Variants in TPT1 observed in about 807,000 individuals in gnomAD.
TPT1 encodes the protein translationally-controlled tumor protein.
A neutral mutation model predicts 22.8 loss-of-function variants in TPT1; 5 were observed. The ratio of observed to expected loss-of-function variants is 0.22; its 90% CI spans 0.11 to 0.46. The LOEUF (loss-of-function observed/expected upper bound fraction) is 0.46. Ranked by LOEUF, TPT1 falls within the 20% of genes least tolerant of loss-of-function variation. The pLI is 0.99. For missense variants in TPT1, 130 were observed against 218.7 expected (o/e 0.59, Z 2.56); for synonymous variants, 89 against 73.6 (o/e 1.21, Z -1.07).
At chr13:45,340,949 T>G in intron 1 of TPT1, 93 bp downstream of exon 1, 4 of 1,544,520 alleles carry the variant, frequency 2.6e-6, no homozygotes, top group Non-Finnish European at 3.5e-6. Flanking sequence ...ACCGCCGGCG[T>G]CCCCTAGGCC....
intron 5 of TPT1, chr13:45,337,603 G>C: frequency 6.3e-7 from 1 of 1,581,424 alleles, no homozygotes; most frequent in Non-Finnish European, 8.6e-7. Flanking sequence ...TCTATCAGTG[G>C]ATGCAGAACA....
intron 2 of TPT1, 186 bp from the exon 3 acceptor site, chr13:45,340,370 G>A (rs1879011096): frequency 1.1e-6 from 1 of 915,428 alleles, no homozygotes; most frequent in Non-Finnish European, 1.7e-6. Flanking sequence ...GTTGTCTGTT[G>A]GCCGGAACAA....
At chr13:45,338,345 C>G (rs2137548681) in intron 5 of TPT1, 1 of 356,472 alleles carries the variant, frequency 2.8e-6, no homozygotes, top group Non-Finnish European at 5.0e-6. Flanking sequence ...GTCTCGAACT[C>G]CCAACCTCAG....
In TPT1 at chr13:45,335,591, AT is replaced by A. The variant is rs1440956902; in HGVS notation, c.*1794del. 1 of 152,154 alleles carries A rather than the reference AT, an allele frequency of 6.6e-6. No homozygotes were observed. The highest frequency in any genetic ancestry group is 1.5e-5 in the Non-Finnish European group (1 of 68,048). 9.4% of individuals were successfully genotyped at this position (152,154 alleles called of 1,614,324 possible). A position where few individuals can be genotyped will look rare whatever the true frequency, so the allele number is the denominator to read the frequency against. ...TTTCAGAGGACAAAAGGCCCTGTAG[AT>A]GAGACTCACACTTTTCATTACAATG... On this transcript the variant is annotated 3_prime_UTR_variant, in exon 6 of 6. Coordinates refer to ENST00000530705, the MANE Select transcript of TPT1 (RefSeq NM_003295.4).
chr13:45,338,474 C>A (rs971595290), intron 5 of TPT1, 186 bp downstream of exon 5: 5 of 1,210,042 alleles, frequency 4.1e-6, no homozygotes, highest in South Asian at 3.5e-5. Flanking sequence ...AAATAAGATT[C>A]TAAGCCTTTT....
Position 45,337,620 on chromosome 13 carries a change from C to T in TPT1, c.517-232G>A. 1.9e-6 allele frequency: 3 copies of T among 1,542,580 alleles called. No homozygotes were observed. In the South Asian group the frequency reaches 3.4e-5, roughly 17 times the overall value. On this transcript the variant is annotated intron_variant, in intron 5 of 5. Coordinates refer to ENST00000530705, the MANE Select transcript of TPT1 (RefSeq NM_003295.4). ...TATCAGTGGATGCAGAACACCCTTA[C>T]CAAATCAGCGGTAGCTCATTTTTCA...
rs374460283 is a variant in TPT1, at chr13:45,340,804, C to T, written c.29-19G>A. On this transcript the variant is annotated intron_variant, in intron 1 of 5. Transcript: ENST00000530705. ...TCATCGTCTGCCGGATACACAGAGC[C>T]GCCCATCACCGTGCGCCTGGCGCCG... The T allele has an allele frequency of 2.6e-6, 4 of 1,509,726 alleles. No individual in the cohort carries two copies. Among genetic ancestry groups the T allele is most frequent in the Non-Finnish European group, 3.5e-6 (4 of 1,131,010 alleles). 93.5% of individuals were successfully genotyped at this position (1,509,726 alleles called of 1,614,324 possible). A position where few individuals can be genotyped will look rare whatever the true frequency, so the allele number is the denominator to read the frequency against.
Position 45,341,070 on chromosome 13 carries a change from G to C in TPT1, c.-1C>G. 6.2e-7 allele frequency: 1 copy of C among 1,613,336 alleles called. No homozygotes were observed. ...TGATGAGGTCCCGGTAGATAATCAT[G>C]ATGGCGACTGAAGGGAGACGACGAC... On this transcript the variant is annotated 5_prime_UTR_variant, in exon 1 of 6. It adds an upstream start codon to the 5' untranslated region. Transcript: ENST00000530705.
chr13:45,334,148 G>A lies in TPT1; in HGVS notation c.*3238C>T, dbSNP rs1878534028. 1 of 152,084 alleles carries A rather than the reference G, an allele frequency of 6.6e-6. No homozygotes were observed. The highest frequency in any genetic ancestry group is 2.1e-4 in the South Asian group (1 of 4,834). 9.4% of individuals were successfully genotyped at this position (152,084 alleles called of 1,614,324 possible). A position where few individuals can be genotyped will look rare whatever the true frequency, so the allele number is the denominator to read the frequency against. ...GCTGGTCTCAAACTCCTGACCTCAA[G>A]CGATCCTCCCCACTCAGCCTCCCAA... On this transcript the variant is annotated 3_prime_UTR_variant, in exon 6 of 6. Coordinates refer to ENST00000530705, the MANE Select transcript of TPT1 (RefSeq NM_003295.4).
intron 2 of TPT1, 188 bp from the exon 3 acceptor site, chr13:45,340,372 C>A: frequency 3.3e-6 from 3 of 912,250 alleles, no homozygotes; most frequent in Non-Finnish European, 5.2e-6. Flanking sequence ...TGTCTGTTGG[C>A]CGGAACAAAA....
Position 45,337,178 on chromosome 13 carries a change from G to C in TPT1, c.*208C>G. 2 of 609,576 alleles carry C rather than the reference G, an allele frequency of 3.3e-6. No homozygotes were observed. Among genetic ancestry groups the C allele is most frequent in the Non-Finnish European group, 5.8e-6 (2 of 343,238 alleles). 37.8% of individuals were successfully genotyped at this position (609,576 alleles called of 1,614,324 possible). On this transcript the variant is annotated 3_prime_UTR_variant, in exon 6 of 6. Coordinates refer to ENST00000530705, the MANE Select transcript of TPT1 (RefSeq NM_003295.4). ...TAAACTAAAAGGCATTCTCTCAAATGAGTTTAAATGCATTTTATTTTTAGA... is the reference window on the plus strand; with the variant it reads ...TAAACTAAAAGGCATTCTCTCAAATCAGTTTAAATGCATTTTATTTTTAGA...
intron 2 of TPT1, 35 bp downstream of exon 2, chr13:45,340,677 C>A (rs762086612): frequency 1.3e-6 from 2 of 1,559,204 alleles, no homozygotes; most frequent in African/African-American, 1.4e-5. Context: ...CCCGCTCGGC[C>A]CGGACTCCCC....
In TPT1 at chr13:45,337,268, AAATG is replaced by A. The variant is rs1272633626; in HGVS notation, c.*114_*117del. 141 of 982,736 alleles carry A rather than the reference AAATG, an allele frequency of 1.4e-4. No homozygotes were observed. In the Middle Eastern group the frequency reaches 2.8e-3, roughly 20 times the overall value. 60.9% of individuals were successfully genotyped at this position (982,736 alleles called of 1,614,324 possible). On this transcript the variant is annotated 3_prime_UTR_variant, in exon 6 of 6. Coordinates refer to ENST00000530705, the MANE Select transcript of TPT1 (RefSeq NM_003295.4). ...ACTCCAAATAAATCACAGTCAAAAT[AAATG>A]AAGAGCTCAAGATGACATCAGTCCC...
intron 2 of TPT1, 42 bp downstream of exon 2, chr13:45,340,670 G>A (rs1879046556): frequency 1.3e-6 from 2 of 1,553,360 alleles, no homozygotes; most frequent in Admixed American, 1.9e-5. Flanking sequence ...ACCCGAGCCC[G>A]CTCGGCCCGG....
chr13:45,338,509 T>G, intron 5 of TPT1, 151 bp downstream of exon 5: 2 of 1,406,910 alleles, frequency 1.4e-6, no homozygotes, highest in Non-Finnish European at 1.9e-6. Context: ...TTTTTACATA[T>G]GAAACACAAT....
At position 45,335,405 on chromosome 13, in the gene TPT1, T is replaced by C. The variant is rs988195123; in HGVS notation, c.*1981A>G. The C allele has an allele frequency of 6.6e-6, 1 of 152,200 alleles. No homozygotes were observed. Among genetic ancestry groups the C allele is most frequent in the Non-Finnish European group, 1.5e-5 (1 of 68,042 alleles). 9.4% of individuals were successfully genotyped at this position (152,200 alleles called of 1,614,324 possible). A position where few individuals can be genotyped will look rare whatever the true frequency, so the allele number is the denominator to read the frequency against. ...AGAACTGAAAATCTTCAAAACAAGTTGGAGCAGTGGAGCCCACAAAGTCTC... is the reference window on the plus strand; with the variant it reads ...AGAACTGAAAATCTTCAAAACAAGTCGGAGCAGTGGAGCCCACAAAGTCTC... On this transcript the variant is annotated 3_prime_UTR_variant, in exon 6 of 6. Coordinates refer to ENST00000530705, the MANE Select transcript of TPT1 (RefSeq NM_003295.4).
chr13:45,337,699 T>C, intron 5 of TPT1: 2 of 780,720 alleles, frequency 2.6e-6, no homozygotes, highest in South Asian at 1.5e-5. Flanking sequence ...AAACCTCAGA[T>C]ACTGTCTGAA....
rs1879101440 is a variant in TPT1, at chr13:45,341,101, T to C, written c.-32A>G. On this transcript the variant is annotated 5_prime_UTR_variant, in exon 1 of 6. Transcript: ENST00000530705. ...GACTGAAGGGAGACGACGACGGCGC[T>C]AGCTTAGCACGAGCCTGAAACTCGG... 3.1e-6 allele frequency: 5 copies of C among 1,611,626 alleles called. No homozygotes were observed. Among genetic ancestry groups the C allele is most frequent in the Non-Finnish European group, 4.2e-6 (5 of 1,178,822 alleles).
Position 45,338,548 on chromosome 13 carries a change from AC to A in TPT1, c.516+111del, listed in dbSNP as rs1335843474. On this transcript the variant is annotated intron_variant, in intron 5 of 5. Coordinates refer to ENST00000530705, the MANE Select transcript of TPT1 (RefSeq NM_003295.4). ...CTTGATCCCCAAAGAGAAAACTAAA[AC>A]CATGTTTCAGAACGCTGTAAAACTC... 1.2e-5 allele frequency: 17 copies of A among 1,474,796 alleles called. No individual in the cohort carries two copies. The African/African-American group carries it at 2.4e-4, about 21-fold the overall frequency. 91.4% of individuals were successfully genotyped at this position (1,474,796 alleles called of 1,614,324 possible).
Sources: allele counts gnomAD v4.1 joint callset, GRCh38; gene constraint gnomAD v4.1.1; transcripts MANE v1.5; gene names NCBI Gene and HGNC (gene_info 2026-07-23, HGNC 2026-07-21).